Variants in STK38 observed in about 807,000 individuals in gnomAD.
STK38 encodes serine/threonine-protein kinase 38.
STK38 carries 26 observed loss-of-function variants against 59.0 expected under a neutral mutation model. The ratio of observed to expected loss-of-function variants is 0.44; its 90% CI spans 0.32 to 0.61. The LOEUF (loss-of-function observed/expected upper bound fraction) is 0.61. Ranked by LOEUF, STK38 falls within the 20% of genes least tolerant of loss-of-function variation. The pLI is 0.04. For missense variants in STK38, 433 were observed against 566.0 expected, an observed-to-expected ratio of 0.76 and a Z score of 2.38; for synonymous variants, 175 against 176.6, an observed-to-expected ratio of 0.99 and a Z score of 0.07.
chr6:36,542,492 T>C (rs1254113739), intron 1 of STK38, among the ~76,000 whole-genome samples: 2 of 152,172 alleles, frequency 1.3e-5, no homozygotes, highest in African/African-American at 4.8e-5. Flanking sequence ...AAATTTAAAA[T>C]ATTGTTTTCA....
In STK38 at chr6:36,495,457, T is replaced by C. The variant is rs1218156304; in HGVS notation, c.*327A>G. 2 of 276,570 alleles carry C rather than the reference T, an allele frequency of 7.2e-6. No individual in the cohort carries two copies. The highest frequency in any genetic ancestry group is 1.4e-5 in the Non-Finnish European group (2 of 141,598). The allele number at this position is 276,570 out of a possible 1,614,324, so 17.1% of individuals were successfully genotyped here. ...ACTATACACGACAATCTCAATAATG[T>C]TGGATGATGGCTGTTTTTCCCCTTC... On this transcript the variant is annotated 3_prime_UTR_variant, in exon 14 of 14. Coordinates refer to ENST00000229812, the MANE Select transcript of STK38 (RefSeq NM_007271.4).
At chr6:36,507,681 C>A in intron 7 of STK38, 79 bp from the exon 8 acceptor site, 1 of 1,037,512 alleles carries the variant, frequency 9.6e-7, no homozygotes. Context: ...CTCCTTCCAG[C>A]ATCCATTATA....
At chr6:36,496,472 A>T (rs1177784457) in intron 13 of STK38, among the ~76,000 whole-genome samples, 1 of 152,172 alleles carries the variant, frequency 6.6e-6, no homozygotes, top group Admixed American at 6.5e-5. Flanking sequence ...ATAACAAAAG[A>T]ACAGATTTTT....
chr6:36,506,685 A>G (rs1426497961), intron 8 of STK38, 41 bp from the exon 9 acceptor site: 2 of 1,587,500 alleles, frequency 1.3e-6, no homozygotes, highest in African/African-American at 2.7e-5. Context: ...AGTTCAGACC[A>G]AAATGTTTAC....
intron 1 of STK38, among the ~76,000 whole-genome samples, chr6:36,542,733 T>A (rs1478869518): frequency 2.0e-5 from 3 of 151,830 alleles, no homozygotes; most frequent in Admixed American, 1.3e-4. Context: ...TCATCTGAGG[T>A]CAGGAGTTGG....
At chr6:36,501,963 C>T (rs1166288508) in intron 9 of STK38, among the ~76,000 whole-genome samples, 2 of 152,170 alleles carry the variant, frequency 1.3e-5, no homozygotes, top group East Asian at 3.8e-4. Context: ...TAGAATATTG[C>T]TGAGCCTTGG....
intron 7 of STK38, among the ~76,000 whole-genome samples, chr6:36,511,076 C>T (rs1654175098): frequency 6.6e-6 from 1 of 152,178 alleles, no homozygotes; most frequent in South Asian, 2.1e-4. Context: ...CAGGGTTACA[C>T]AATCAGAAGT....
chr6:36,510,012 G>C (rs546706896), intron 7 of STK38, among the ~76,000 whole-genome samples: 1 of 152,140 alleles, frequency 6.6e-6, no homozygotes, highest in South Asian at 2.1e-4. Flanking sequence ...AAAAACCACC[G>C]CAAGTTCTTA....
chr6:36,535,981 A>T (rs1777781416), intron 2 of STK38, among the ~76,000 whole-genome samples: 2 of 152,244 alleles, frequency 1.3e-5, no homozygotes, highest in South Asian at 4.1e-4. Flanking sequence ...GAATACTCAA[A>T]GCAATCTTAA....
intron 2 of STK38, among the ~76,000 whole-genome samples, chr6:36,534,521 C>CA (rs1777740229): frequency 6.6e-6 from 1 of 151,870 alleles, no homozygotes; most frequent in Non-Finnish European, 1.5e-5. Flanking sequence ...GGTGTGGTGG[C>CA]ACATACCTAT....
intron 10 of STK38, among the ~76,000 whole-genome samples, chr6:36,499,264 G>C (rs1230035120): frequency 1.3e-5 from 2 of 152,180 alleles, no homozygotes; most frequent in Non-Finnish European, 2.9e-5. Context: ...CTACAGGCAA[G>C]AAGACAAACA....
chr6:36,495,415 C>A lies in STK38; in HGVS notation c.*369G>T. On this transcript the variant is annotated 3_prime_UTR_variant, in exon 14 of 14. Coordinates refer to ENST00000229812, the MANE Select transcript of STK38 (RefSeq NM_007271.4). Reference sequence around the variant, plus strand: ...AGAGCGTGTCACAAAATTACAGGAACTGGCTGATATTCGATGACTATACAC... The same window carrying A: ...AGAGCGTGTCACAAAATTACAGGAAATGGCTGATATTCGATGACTATACAC... 1.1e-5 allele frequency: 2 copies of A among 180,466 alleles called. No individual in the cohort carries two copies. The highest frequency in any genetic ancestry group is 1.5e-4 in the East Asian group (1 of 6,528). The allele number at this position is 180,466 out of a possible 1,614,324, so 11.2% of individuals were successfully genotyped here. A position where few individuals can be genotyped will look rare whatever the true frequency, so the allele number is the denominator to read the frequency against.
rs374300746 is a variant in STK38, at chr6:36,536,690, C to T, written c.131+3382G>A. Among the ~76,000 whole-genome samples the T allele has an allele frequency of 6.8e-4, 103 of 152,056 alleles. No individual in the cohort carries two copies. The South Asian group carries it at 0.011, about 16-fold the overall frequency. On this transcript the variant is annotated intron_variant, in intron 2 of 13. Coordinates refer to ENST00000229812, the MANE Select transcript of STK38 (RefSeq NM_007271.4). ...CTGAGATTATAGGCATGCGCCACCACCATGCCCAGCTAATTCTGTATTTTT... is the reference window on the plus strand; with the variant it reads ...CTGAGATTATAGGCATGCGCCACCATCATGCCCAGCTAATTCTGTATTTTT...
At chr6:36,496,843 T>A in intron 12 of STK38, 38 bp from the exon 13 acceptor site, 2 of 1,454,860 alleles carry the variant, frequency 1.4e-6, no homozygotes, top group Non-Finnish European at 1.9e-6. Context: ...ACTAAGTTAG[T>A]AATCAAATGG....
chr6:36,512,985 G>A lies in STK38; in HGVS notation c.669+2353C>T, dbSNP rs1388374951. Among the ~76,000 whole-genome samples the A allele has an allele frequency of 2.0e-5, 3 of 151,806 alleles. No homozygotes were observed. The East Asian group carries it at 5.8e-4, about 29-fold the overall frequency. ...AGCGTAATTTTTCTTCTTTAATACT[G>A]TCTGTAATGTTCAAATTTTCTACCA... On this transcript the variant is annotated intron_variant, in intron 7 of 13. Coordinates refer to ENST00000229812, the MANE Select transcript of STK38 (RefSeq NM_007271.4).
At chr6:36,509,700 C>A (rs1777058626) in intron 7 of STK38, among the ~76,000 whole-genome samples, 1 of 152,134 alleles carries the variant, frequency 6.6e-6, no homozygotes, top group African/African-American at 2.4e-5. Context: ...TTGCCCGCAG[C>A]ACCAGCTTGT....
At chr6:36,502,194 G>A (rs1776857251) in intron 9 of STK38, among the ~76,000 whole-genome samples, 1 of 152,052 alleles carries the variant, frequency 6.6e-6, no homozygotes, top group African/African-American at 2.4e-5. Context: ...CCGGGCTGGA[G>A]TGCAGTGGTA....
intron 7 of STK38, 75 bp downstream of exon 7, chr6:36,515,263 A>G (rs1777221210): frequency 2.0e-6 from 3 of 1,533,682 alleles, no homozygotes; most frequent in Non-Finnish European, 2.6e-6. Context: ...GGATGACCAC[A>G]GGGGTGCAGG....
intron 2 of STK38, among the ~76,000 whole-genome samples, chr6:36,531,520 G>A (rs1777665901): frequency 6.6e-6 from 1 of 152,186 alleles, no homozygotes; most frequent in African/African-American, 2.4e-5. Context: ...ATCACATACA[G>A]AGAGAATACA....
Sources: gnomAD v4.1 joint callset for allele counts (sites outside exome capture counted in the v4.1 genomes callset) on GRCh38, gnomAD v4.1.1 for gene constraint, MANE v1.5 for transcripts, NCBI Gene and HGNC (gene_info 2026-07-23, HGNC 2026-07-21) for gene names.